The following JMJD1C variants were observed in gnomAD, a reference collection of about 807,000 sequenced individuals.
JMJD1C encodes jumonji domain containing 1C, also known as jumonji domain-containing protein 1C.
Under a neutral mutation model 245.3 loss-of-function variants are expected in JMJD1C, and 31 were observed. That is an observed-to-expected ratio of 0.13 (90% CI 0.09 to 0.17). The LOEUF is 0.17. Among genes scored for constraint, JMJD1C ranks in the 10% least tolerant of loss-of-function variants. JMJD1C has a pLI of 1.00. For missense variants in JMJD1C, 2,691 were observed against 3,000.2 expected, an observed-to-expected ratio of 0.90 and a Z score of 2.41; for synonymous variants, 1,057 against 1,017.4, an observed-to-expected ratio of 1.04 and a Z score of -0.74.
intron 1 of JMJD1C, among the ~76,000 whole-genome samples, chr10:63,390,189 A>G (rs1385226144): frequency 6.6e-6 from 1 of 152,178 alleles, no homozygotes; most frequent in African/African-American, 2.4e-5. Context: ...CAGAAACGAA[A>G]AAAGAGAAAT....
intron 24 of JMJD1C, among the ~76,000 whole-genome samples, chr10:63,169,009 A>G (rs1235252572): frequency 6.6e-6 from 1 of 152,228 alleles, no homozygotes; most frequent in Non-Finnish European, 1.5e-5. Flanking sequence ...AGAATAAAGA[A>G]AAGAAAATGA....
intron 1 of JMJD1C, among the ~76,000 whole-genome samples, chr10:63,402,221 A>G (rs771385127): frequency 1.3e-5 from 2 of 152,194 alleles, no homozygotes; most frequent in Non-Finnish European, 2.9e-5. Context: ...GTCAAAATTC[A>G]TGAAAAAAAT....
At chr10:63,335,180 T>C (rs949137334) in intron 2 of JMJD1C, among the ~76,000 whole-genome samples, 2 of 152,028 alleles carry the variant, frequency 1.3e-5, no homozygotes, top group East Asian at 1.9e-4. Flanking sequence ...CTATCAGAGA[T>C]TGTTGTTCCA....
At position 63,277,477 on chromosome 10, in the gene JMJD1C, T is replaced by A. The variant is rs144881541; in HGVS notation, c.334-12713A>T. Among the ~76,000 whole-genome samples, 330 of 152,298 alleles carry A rather than the reference T, an allele frequency of 2.2e-3. 2 individuals are homozygous for A. The highest frequency in any genetic ancestry group is 7.5e-3 in the African/African-American group (313 of 41,568). On this transcript the variant is annotated intron_variant, in intron 2 of 25. Coordinates refer to ENST00000399262, the MANE Select transcript of JMJD1C (RefSeq NM_032776.3). ...GTAACTTTTACTAAAGTAGATCTCCTTTATAGATGGGTAAATTTCTTTTAC... is the reference window on the plus strand; with the variant it reads ...GTAACTTTTACTAAAGTAGATCTCCATTATAGATGGGTAAATTTCTTTTAC...
chr10:63,208,544 A>C lies in JMJD1C; in HGVS notation c.3125T>G (p.Leu1042Arg). 3.7e-6 allele frequency: 6 copies of C among 1,614,146 alleles called. No homozygotes were observed. The highest frequency in any genetic ancestry group is 5.1e-6 in the Non-Finnish European group (6 of 1,179,998). Reference protein sequence around the residue: ...VAPFTTKIKGLEGERENYSRV... With the variant: ...VAPFTTKIKGREGERENYSRV... Reference sequence around the variant, plus strand: ...GGAATAATTCTCTCTCTCACCCTCAAGTCCCTTGATTTTAGTTGTAAAGGG... The same window carrying C: ...GGAATAATTCTCTCTCTCACCCTCACGTCCCTTGATTTTAGTTGTAAAGGG... The change falls in exon 10 of 26, where the codon CTT becomes CGT. Residue 1042 changes from leucine to arginine, a missense_variant. Leu to Arg is a moderately radical substitution (Grantham distance 102). Around this residue, in one of 9 missense-constraint regions of JMJD1C, gnomAD observed 1,562 missense variants for 1,490.7 expected, o/e 1.05. Coordinates refer to ENST00000399262, the MANE Select transcript of JMJD1C (RefSeq NM_032776.3).
intron 3 of JMJD1C, among the ~76,000 whole-genome samples, chr10:63,253,335 G>A (rs1478552807): frequency 6.6e-6 from 1 of 151,972 alleles, no homozygotes; most frequent in African/African-American, 2.4e-5. Flanking sequence ...GTGGTGCTGG[G>A]GAAACTGGAT....
At chr10:63,346,257 G>A (rs796912671) in intron 2 of JMJD1C, among the ~76,000 whole-genome samples, 3 of 152,246 alleles carry the variant, frequency 2.0e-5, no homozygotes, top group African/African-American at 4.8e-5. Flanking sequence ...AAGATACAGA[G>A]ATTTCTCTGA....
At chr10:63,268,232 CAAAAAA>C (rs5785564) in intron 2 of JMJD1C, among the ~76,000 whole-genome samples, 2 of 130,216 alleles carry the variant, frequency 1.5e-5, no homozygotes, top group Admixed American at 7.7e-5. Flanking sequence ...TTTAGTCTAC[CAAAAAA>C]AAAAAAAAAA....
At chr10:63,185,685 T>C in intron 19 of JMJD1C, 32 bp from the exon 20 acceptor site, 1 of 1,194,304 alleles carries the variant, frequency 8.4e-7, no homozygotes, top group Non-Finnish European at 1.2e-6. Context: ...ACTAAAAGGG[T>C]AATTTCTGCC....
intron 1 of JMJD1C, among the ~76,000 whole-genome samples, chr10:63,443,554 C>T (rs1951517631): frequency 6.6e-6 from 1 of 152,206 alleles, no homozygotes; most frequent in Non-Finnish European, 1.5e-5. Context: ...CAAAGGCACC[C>T]ACCCAACTTG....
chr10:63,191,123 T>G lies in JMJD1C; in HGVS notation c.6077-15A>C. Reference sequence around the variant, plus strand: ...TTCTTTGTTTTCTGAAATAGAAAATTTCACAGATTTTGTTTTGTTTTGTTT... The same window carrying G: ...TTCTTTGTTTTCTGAAATAGAAAATGTCACAGATTTTGTTTTGTTTTGTTT... On this transcript the variant is annotated splice_polypyrimidine_tract_variant and intron_variant, in intron 16 of 25. Coordinates refer to ENST00000399262, the MANE Select transcript of JMJD1C (RefSeq NM_032776.3). The G allele has an allele frequency of 1.9e-6, 3 of 1,591,530 alleles. No individual in the cohort carries two copies. The highest frequency in any genetic ancestry group is 2.6e-6 in the Non-Finnish European group (3 of 1,160,078).
intron 2 of JMJD1C, among the ~76,000 whole-genome samples, chr10:63,366,435 A>T (rs1945847666): frequency 6.6e-6 from 1 of 152,202 alleles, no homozygotes; most frequent in Middle Eastern, 3.2e-3. Context: ...TCTACGTAAC[A>T]AACTATAGCC....
intron 1 of JMJD1C, among the ~76,000 whole-genome samples, chr10:63,391,673 C>G (rs1404681567): frequency 6.6e-6 from 1 of 152,118 alleles, no homozygotes; most frequent in Non-Finnish European, 1.5e-5. Context: ...AGAAAGACAT[C>G]CCATGCTCAA....
intron 1 of JMJD1C, among the ~76,000 whole-genome samples, chr10:63,440,679 T>C (rs1387511935): frequency 1.3e-5 from 2 of 152,116 alleles, no homozygotes; most frequent in African/African-American, 2.4e-5. Flanking sequence ...CACCAGACTG[T>C]TGCTGGATAT....
At chr10:63,183,837 A>G (rs1007871454) in intron 21 of JMJD1C, among the ~76,000 whole-genome samples, 1 of 152,248 alleles carries the variant, frequency 6.6e-6, no homozygotes, top group African/African-American at 2.4e-5. Context: ...TTGGCTGTTA[A>G]TTCCTAACAT....
chr10:63,389,335 GA>G (rs1033085715), intron 1 of JMJD1C, among the ~76,000 whole-genome samples: 1 of 122,558 alleles, frequency 8.2e-6, no homozygotes, highest in Non-Finnish European at 1.8e-5. Context: ...AAAAGAAAAA[GA>G]AAAAAGATCT....
intron 3 of JMJD1C, among the ~76,000 whole-genome samples, chr10:63,260,833 C>T (rs552421103): frequency 1.3e-4 from 20 of 152,052 alleles, no homozygotes; most frequent in Admixed American, 1.0e-3. Flanking sequence ...CCTCATGATC[C>T]GCCCGCTTCG....
chr10:63,502,869 C>A (rs1363688178), intron 1 of JMJD1C, among the ~76,000 whole-genome samples: 1 of 151,950 alleles, frequency 6.6e-6, no homozygotes, highest in Non-Finnish European at 1.5e-5. Flanking sequence ...AAGACTATTC[C>A]GAGAAACATG....
At chr10:63,464,240 G>C (rs1000221619) in intron 1 of JMJD1C, among the ~76,000 whole-genome samples, 1 of 152,080 alleles carries the variant, frequency 6.6e-6, no homozygotes, top group Non-Finnish European at 1.5e-5. Context: ...ATACCTATCA[G>C]CAAAACACAC....
Sources: gnomAD v4.1 joint callset for allele counts (sites outside exome capture counted in the v4.1 genomes callset) on GRCh38, gnomAD v4.1.1 for gene constraint, gnomAD v4.1.1 regional missense constraint, MANE v1.5 for transcripts, NCBI Gene and HGNC (gene_info 2026-07-23, HGNC 2026-07-21) for gene names.